SPOP: variants seen among roughly 807,000 people sequenced by gnomAD.
SPOP encodes the protein speckle type BTB/POZ protein.
A neutral mutation model predicts 45.6 loss-of-function variants in SPOP; 11 were observed. That is an observed-to-expected ratio of 0.24 (90% confidence interval 0.15 to 0.40). SPOP has a LOEUF of 0.40. Ranked by LOEUF, SPOP falls within the 10% of genes least tolerant of loss-of-function variation. The probability of loss-of-function intolerance (pLI) is 1.00; values close to 1 mark genes in which losing one functional copy is unlikely to be tolerated. For synonymous variants in SPOP, 166 were observed against 166.3 expected, an observed-to-expected ratio of 1.00 and a Z score of 0.01; for missense variants, 152 against 465.6, an observed-to-expected ratio of 0.33 and a Z score of 6.20.
At chr17:49,647,715 A>G (rs2072783683) in intron 1 of SPOP, among the ~76,000 whole-genome samples, 1 of 152,106 alleles carries the variant, frequency 6.6e-6, no homozygotes, top group African/African-American at 2.4e-5. Flanking sequence ...TCCTGACCTC[A>G]AGTGATTTGC....
At chr17:49,676,855 ATTT>A (rs1167192276) in intron 1 of SPOP, among the ~76,000 whole-genome samples, 3 of 152,210 alleles carry the variant, frequency 2.0e-5, no homozygotes, top group Non-Finnish European at 2.9e-5. Context: ...AAAGTTCGTT[ATTT>A]ACATTTCTTT....
chr17:49,668,445 A>C (rs1265503656), intron 1 of SPOP, among the ~76,000 whole-genome samples: 1 of 152,160 alleles, frequency 6.6e-6, no homozygotes, highest in Non-Finnish European at 1.5e-5. Context: ...TAAGGTAAAG[A>C]ATGGTATTGA....
At chr17:49,617,087 T>C (rs1023755590) in intron 5 of SPOP, among the ~76,000 whole-genome samples, 4 of 152,016 alleles carry the variant, frequency 2.6e-5, no homozygotes, top group Admixed American at 6.6e-5. Flanking sequence ...CTGGAATGGA[T>C]TGGGAAGAGA....
chr17:49,671,876 C>T (rs1180135475), intron 1 of SPOP, among the ~76,000 whole-genome samples: 2 of 152,134 alleles, frequency 1.3e-5, no homozygotes, highest in African/African-American at 4.8e-5. Flanking sequence ...CAGGGTGGCT[C>T]ACGCCTGTAA....
intron 1 of SPOP, among the ~76,000 whole-genome samples, chr17:49,659,866 C>T (rs1449512243): frequency 6.6e-6 from 1 of 152,208 alleles, no homozygotes; most frequent in East Asian, 1.9e-4. Flanking sequence ...CCACCCTCAT[C>T]TCAGTGACAC....
intron 3 of SPOP, 143 bp downstream of exon 3, chr17:49,621,795 CCAGGCACT>C: frequency 1.4e-6 from 1 of 731,234 alleles, no homozygotes; most frequent in Non-Finnish European, 2.2e-6. Flanking sequence ...CTATTATGTG[CCAGGCACT>C]GTGCTAGGCA....
At chr17:49,668,687 T>C (rs1465952588) in intron 1 of SPOP, among the ~76,000 whole-genome samples, 2 of 152,058 alleles carry the variant, frequency 1.3e-5, no homozygotes, top group Non-Finnish European at 2.9e-5. Flanking sequence ...TTATTCTTTA[T>C]ATTTTTCTAT....
intron 1 of SPOP, among the ~76,000 whole-genome samples, chr17:49,626,957 C>T (rs2072344919): frequency 6.6e-6 from 1 of 152,128 alleles, no homozygotes; most frequent in African/African-American, 2.4e-5. Flanking sequence ...TCATGCCATT[C>T]TCCTGCCTCA....
At chr17:49,666,097 T>C (rs2073053748) in intron 1 of SPOP, among the ~76,000 whole-genome samples, 1 of 151,712 alleles carries the variant, frequency 6.6e-6, no homozygotes, top group African/African-American at 2.4e-5. Flanking sequence ...TAAGGCAGTG[T>C]AGTACAAGAT....
At chr17:49,624,331 G>GCGCGCACACACACACACA (rs71352523) in intron 1 of SPOP, among the ~76,000 whole-genome samples, 8 of 149,222 alleles carry the variant, frequency 5.4e-5, no homozygotes, top group African/African-American at 1.7e-4. Flanking sequence ...GCGCGCGCGC[G>GCGCGCACACACACACACA]CACACACACA....
intron 1 of SPOP, among the ~76,000 whole-genome samples, chr17:49,645,714 TA>T (rs2072745188): frequency 6.6e-6 from 1 of 152,234 alleles, no homozygotes; most frequent in Non-Finnish European, 1.5e-5. Flanking sequence ...ATCTCTCTTT[TA>T]ATCATCTCAA....
At chr17:49,606,185 G>A (rs960910434) in intron 8 of SPOP, among the ~76,000 whole-genome samples, 3 of 151,780 alleles carry the variant, frequency 2.0e-5, no homozygotes, top group Non-Finnish European at 4.4e-5. Context: ...ACAAGGTCTC[G>A]TTCTGTCACC....
chr17:49,675,295 G>A (rs2073184822), intron 1 of SPOP, among the ~76,000 whole-genome samples: 2 of 152,196 alleles, frequency 1.3e-5, no homozygotes. Flanking sequence ...TTTCAAAAAG[G>A]AAGAGGGACT....
At chr17:49,625,753 C>T (rs542738986) in intron 1 of SPOP, among the ~76,000 whole-genome samples, 3 of 152,112 alleles carry the variant, frequency 2.0e-5, no homozygotes, top group Admixed American at 6.5e-5. Context: ...TACAGATATA[C>T]GATACAGTAA....
chr17:49,666,702 C>T (rs1202269208), intron 1 of SPOP, among the ~76,000 whole-genome samples: 1 of 152,012 alleles, frequency 6.6e-6, no homozygotes, highest in Non-Finnish European at 1.5e-5. Context: ...GTGGTGGGCA[C>T]CTGTAATCCC....
At chr17:49,658,357 A>G (rs2072943077) in intron 1 of SPOP, among the ~76,000 whole-genome samples, 1 of 152,178 alleles carries the variant, frequency 6.6e-6, no homozygotes, top group South Asian at 2.1e-4. Context: ...TTTCATAATC[A>G]GCAAAAGCAA....
chr17:49,653,358 T>A (rs2072866946), intron 1 of SPOP, among the ~76,000 whole-genome samples: 1 of 151,752 alleles, frequency 6.6e-6, no homozygotes, highest in African/African-American at 2.4e-5. Context: ...ATTTTTTATA[T>A]CCTCAAAACA....
intron 1 of SPOP, among the ~76,000 whole-genome samples, chr17:49,649,370 C>A (rs866996501): frequency 6.6e-6 from 1 of 151,782 alleles, no homozygotes; most frequent in African/African-American, 2.4e-5. Context: ...AACCCCGTCT[C>A]TACTAAAAAC....
chr17:49,624,018 A>G (rs958727540), intron 1 of SPOP, among the ~76,000 whole-genome samples: 1 of 152,146 alleles, frequency 6.6e-6, no homozygotes, highest in South Asian at 2.1e-4. Context: ...CCATTCTCCA[A>G]TAACTGTTAT....
Sources: allele counts gnomAD v4.1 joint callset (sites outside exome capture counted in the v4.1 genomes callset), GRCh38; gene constraint gnomAD v4.1.1; transcripts MANE v1.5; gene names NCBI Gene and HGNC (gene_info 2026-07-23, HGNC 2026-07-21).